The following SELP variants were observed in gnomAD, a reference collection of about 807,000 sequenced individuals.
The protein encoded by SELP is selectin P, also known as P-selectin.
A neutral mutation model predicts 104.1 loss-of-function variants in SELP; 92 were observed. The ratio of observed to expected loss-of-function variants is 0.88; its 90% CI spans 0.75 to 1.05. SELP has a LOEUF of 1.05. SELP is among the 50% of genes least tolerant of loss of function. The probability of loss-of-function intolerance (pLI) is 0.00; values close to 1 mark genes in which losing one functional copy is unlikely to be tolerated. For missense variants in SELP, 1,022 were observed against 1,017.3 expected (o/e 1.00, Z -0.06); for synonymous variants, 397 against 364.5 (o/e 1.09, Z -1.01).
Position 169,597,003 on chromosome 1 carries a change from G to C in SELP, c.1879C>G (p.Pro627Ala), listed in dbSNP as rs1661653936. ...TTSGRWSATPPTCKGIASLPT... is the reference protein window; with the variant it reads ...TTSGRWSATPATCKGIASLPT... Reference sequence around the variant, plus strand: ...TACATATTATTACCTTTGCAGGTTGGTGGAGTAGCTGACCATCTTCCAGAA... The same window carrying C: ...TACATATTATTACCTTTGCAGGTTGCTGGAGTAGCTGACCATCTTCCAGAA... Residue 627 changes from proline (P) to alanine (A), a missense_variant, in exon 11 of 17, where the codon CCA (proline) becomes GCA (alanine). Pro to Ala is a conservative substitution (Grantham distance 27). Transcript: ENST00000263686. The C allele has an allele frequency of 2.5e-6, 4 of 1,611,672 alleles. No individual in the cohort carries two copies. The highest frequency in any genetic ancestry group is 3.4e-6 in the Non-Finnish European group (4 of 1,178,790).
At chr1:169,614,298 G>A (rs1263977636) in intron 3 of SELP, among the ~76,000 whole-genome samples, 1 of 151,816 alleles carries the variant, frequency 6.6e-6, no homozygotes, top group Non-Finnish European at 1.5e-5. Context: ...CGTACTCATG[G>A]TAAAGGACAA....
chr1:169,609,025 TAA>T (rs760326840), intron 8 of SELP, among the ~76,000 whole-genome samples: 31 of 152,144 alleles, frequency 2.0e-4, no homozygotes, highest in Admixed American at 1.2e-3. Context: ...ATAAATCCTA[TAA>T]GAGTTTTAAA....
rs199703064 is a variant in SELP, at chr1:169,597,154, A to T, written c.1728T>A (p.Phe576Leu). Residue 576 changes from phenylalanine to leucine, a missense_variant, in exon 11 of 17, where the codon TTT becomes TTA. Coordinates refer to ENST00000263686, the MANE Select transcript of SELP (RefSeq NM_003005.4). Reference protein sequence around the residue: ...MCEAIKCPELFAPEQGSLDCS... With the variant: ...MCEAIKCPELLAPEQGSLDCS... ...AATCCAGGCTGCCCTGCTCTGGGGC[A>T]AAGAGTTCTGGGCACTTGATGGCTA... is the stretch of plus-strand genomic sequence containing the variant. 582 of 1,603,872 alleles carry T rather than the reference A, an allele frequency of 3.6e-4. 4 individuals are homozygous for T. The South Asian group carries it at 5.7e-3, about 16-fold the overall frequency.
At position 169,594,854 on chromosome 1, in the gene SELP, C is replaced by T. The variant is rs1291489454; in HGVS notation, c.2125G>A (p.Val709Ile). Residue 709 changes from valine (V) to isoleucine (I), a missense_variant, in exon 13 of 17, where the codon GTT (valine) becomes ATT (isoleucine). Val to Ile is a conservative substitution (Grantham distance 29). Transcript: ENST00000263686. ...CRAVKCSELH[V>I]NKPIAMNCSN... ...CAGTTCATCGCTATTGGCTTATTAACATGTAGTTCTGAGCATTTCACAGCT... is the reference window on the plus strand; with the variant it reads ...CAGTTCATCGCTATTGGCTTATTAATATGTAGTTCTGAGCATTTCACAGCT... 6.2e-7 allele frequency: 1 copy of T among 1,613,394 alleles called. No homozygotes were observed. Among genetic ancestry groups the T allele is most frequent in the Non-Finnish European group, 8.5e-7 (1 of 1,179,592 alleles).
chr1:169,618,198 A>G (rs530116925), intron 2 of SELP, among the ~76,000 whole-genome samples: 61 of 152,306 alleles, frequency 4.0e-4, no homozygotes, highest in African/African-American at 1.4e-3. Context: ...GGCCTTCAAT[A>G]AATACTTGTT....
chr1:169,629,096 G>A (rs531779328), intron 1 of SELP, among the ~76,000 whole-genome samples: 43 of 152,336 alleles, frequency 2.8e-4, no homozygotes, highest in Non-Finnish European at 4.9e-4. Flanking sequence ...CTGGGACTAT[G>A]TGGGATACTC....
At position 169,611,578 on chromosome 1, in the gene SELP, C is replaced by G; in HGVS notation, c.1061G>C (p.Cys354Ser). Reference sequence around the variant, plus strand: ...GCCCCTCACTCTGTAGCCGGGCTGGCACTCAAATTTACAGCTGGAGCCATA... The same window carrying G: ...GCCCCTCACTCTGTAGCCGGGCTGGGACTCAAATTTACAGCTGGAGCCATA... ...FAYGSSCKFECQPGYRVRGLD... is the reference protein window; with the variant it reads ...FAYGSSCKFESQPGYRVRGLD... The change falls in exon 7 of 17, where the codon TGC (cysteine) becomes TCC (serine). Residue 354 changes from cysteine (C) to serine (S), a missense_variant. Transcript: ENST00000263686. The G allele has an allele frequency of 6.2e-7, 1 of 1,614,122 alleles. No individual in the cohort carries two copies. The highest frequency in any genetic ancestry group is 8.5e-7 in the Non-Finnish European group (1 of 1,180,010).
intron 1 of SELP, among the ~76,000 whole-genome samples, chr1:169,623,733 T>G (rs1663245164): frequency 6.6e-6 from 1 of 152,202 alleles, no homozygotes; most frequent in African/African-American, 2.4e-5. Context: ...ACAGGTTATT[T>G]CAGAGCTATA....
chr1:169,612,465 G>T, intron 5 of SELP, 63 bp from the exon 6 acceptor site: 1 of 1,534,474 alleles, frequency 6.5e-7, no homozygotes, highest in Non-Finnish European at 9.0e-7. Flanking sequence ...CACCTTGGAA[G>T]CCTTCAAATT....
At chr1:169,596,897 A>G in intron 11 of SELP, 94 bp downstream of exon 11, 1 of 1,147,392 alleles carries the variant, frequency 8.7e-7, no homozygotes, top group Non-Finnish European at 1.2e-6. Flanking sequence ...AATATATACA[A>G]TTATCTAGTT....
At position 169,614,407 on chromosome 1, in the gene SELP, C is replaced by T. The variant is rs567770665; in HGVS notation, c.482-714G>A. ...CATGTCCTCTTCACCAAGATAGTGCCACTCAGGTGACAGAATAGAGAAGGG... is the reference window on the plus strand; with the variant it reads ...CATGTCCTCTTCACCAAGATAGTGCTACTCAGGTGACAGAATAGAGAAGGG... On this transcript the variant is annotated intron_variant, in intron 3 of 16. Coordinates refer to ENST00000263686, the MANE Select transcript of SELP (RefSeq NM_003005.4). Among the ~76,000 whole-genome samples, 6 of 152,294 alleles carry T rather than the reference C, an allele frequency of 3.9e-5. No individual in the cohort carries two copies. In the South Asian group the frequency reaches 1.2e-3, roughly 32 times the overall value.
In SELP at chr1:169,597,034, G is replaced by T. The variant is rs1661658273; in HGVS notation, c.1848C>A (p.Cys616Ter). Residue 616 changes from cysteine (C) to a stop codon, truncating the protein, a stop_gained, in exon 11 of 17, where the codon TGC (cysteine) becomes TGA (stop). Coordinates refer to ENST00000263686, the MANE Select transcript of SELP (RefSeq NM_003005.4). LOFTEE classifies it high-confidence loss of function. ...TAGCTGACCATCTTCCAGAAGTTGT[G>T]CATTCCACATTATTGGGCCCCTCCA... ...FKLEGPNNVE[C>*]TTSGRWSATP... 6.2e-7 allele frequency: 1 copy of T among 1,613,196 alleles called. No individual in the cohort carries two copies. Among genetic ancestry groups the T allele is most frequent in the Middle Eastern group, 1.7e-4 (1 of 6,054 alleles).
rs3917833 is a variant in SELP at position 169,593,048 on chromosome 1, T to A, written c.2407+557A>T. Among the ~76,000 whole-genome samples the A allele has an allele frequency of 7.5e-3, 1,146 of 152,320 alleles. 12 individuals are homozygous for A. The highest frequency in any genetic ancestry group is 0.026 in the African/African-American group (1,094 of 41,562). On this transcript the variant is annotated intron_variant, in intron 14 of 16. Transcript: ENST00000263686. ...GTCTGGTTTAGGCATCCCTAGTCTA[T>A]GTTCTAATAATACCTAGGTTGTATT...
intron 14 of SELP, 119 bp from the exon 15 acceptor site, chr1:169,591,575 A>G (rs893433180): frequency 3.3e-6 from 2 of 604,934 alleles, no homozygotes; most frequent in East Asian, 3.1e-5. Flanking sequence ...AGGAGGGCTC[A>G]TTATAAGGGG....
intron 1 of SELP, among the ~76,000 whole-genome samples, chr1:169,627,934 C>CA (rs758043231): frequency 5.9e-5 from 9 of 152,126 alleles, no homozygotes; most frequent in Non-Finnish European, 8.8e-5. Flanking sequence ...CTTGCTCTGT[C>CA]ACCCAGGCTG....
rs555044171 is a variant in SELP at position 169,590,830 on chromosome 1, G to C, written c.2438+596C>G. 2.0e-5 allele frequency among the ~76,000 whole-genome samples: 3 copies of C among 152,264 alleles called. No individual in the cohort carries two copies. In the South Asian group the frequency reaches 6.2e-4, roughly 32 times the overall value. The stretch of plus-strand genomic sequence containing the variant: ...TAGATTATAAATAGCAAGGGGTACA[G>C]GACACAAAAGAATTGTCCAACATCC... On this transcript the variant is annotated intron_variant, in intron 15 of 16. Coordinates refer to ENST00000263686, the MANE Select transcript of SELP (RefSeq NM_003005.4).
intron 7 of SELP, among the ~76,000 whole-genome samples, chr1:169,611,147 A>G (rs902052489): frequency 3.9e-5 from 6 of 152,136 alleles, no homozygotes; most frequent in Non-Finnish European, 7.4e-5. Context: ...CAAAGACTAC[A>G]TGGTGAACCA....
intron 5 of SELP, 47 bp downstream of exon 5, chr1:169,612,882 C>T (rs771762776): frequency 6.8e-7 from 1 of 1,474,394 alleles, no homozygotes; most frequent in Non-Finnish European, 9.1e-7. Context: ...CCTCTTCTCC[C>T]CCAAAATTCT....
At chr1:169,609,720 G>T (rs759928781) in intron 7 of SELP, 31 bp from the exon 8 acceptor site, 3 of 1,577,062 alleles carry the variant, frequency 1.9e-6, no homozygotes, top group Admixed American at 3.6e-5. Flanking sequence ...CTAAAGCCAG[G>T]TAATGGAAGG....
Sources: gnomAD v4.1 joint callset for allele counts (sites outside exome capture counted in the v4.1 genomes callset) on GRCh38, gnomAD v4.1.1 for gene constraint, MANE v1.5 for transcripts, NCBI Gene and HGNC (gene_info 2026-07-23, HGNC 2026-07-21) for gene names.